CAMTA1: variants seen among roughly 807,000 people sequenced by gnomAD.
CAMTA1 encodes the protein calmodulin binding transcription activator 1.
In CAMTA1, 27 loss-of-function variants were observed where a neutral mutation model predicts 170.9. The observed-to-expected ratio is 0.16, with a 90% CI of 0.12 to 0.22. CAMTA1 has a LOEUF of 0.22. CAMTA1 is among the 10% of genes least tolerant of loss of function. The pLI, the probability that CAMTA1 is intolerant of heterozygous loss-of-function variation, is 1.00. For missense variants in CAMTA1, 1,619 were observed against 2,217.2 expected, an observed-to-expected ratio of 0.73 and a Z score of 5.42; for synonymous variants, 833 against 891.5, an observed-to-expected ratio of 0.93 and a Z score of 1.17.
chr1:7,315,222 GGA>G (rs1677311979), intron 5 of CAMTA1, among the ~76,000 whole-genome samples: 1 of 152,342 alleles, frequency 6.6e-6, no homozygotes, highest in African/African-American at 2.4e-5. Flanking sequence ...TTGTGCAGCT[GGA>G]GAGAGGGTTG....
At chr1:7,142,594 A>G (rs1645951625) in intron 4 of CAMTA1, among the ~76,000 whole-genome samples, 1 of 152,152 alleles carries the variant, frequency 6.6e-6, no homozygotes. Flanking sequence ...CCTTGCGGTA[A>G]TGAGTGAGTT....
At chr1:7,420,635 T>G (rs1363691531) in intron 5 of CAMTA1, among the ~76,000 whole-genome samples, 1 of 151,976 alleles carries the variant, frequency 6.6e-6, no homozygotes, top group Non-Finnish European at 1.5e-5. Flanking sequence ...TGTCAATAAG[T>G]TTCTGTTCTA....
rs1395436193 is a variant in CAMTA1 at position 7,588,503 on chromosome 1, G to A, written c.511-51897G>A. Among the ~76,000 whole-genome samples, 1 of 152,236 alleles carries A rather than the reference G, an allele frequency of 6.6e-6. No individual in the cohort carries two copies. The highest frequency in any genetic ancestry group is 2.4e-5 in the African/African-American group (1 of 41,466). On this transcript the variant is annotated intron_variant, in intron 6 of 22. Transcript: ENST00000303635. This position sits in a 1 kb window ranked among gnomAD's most constrained non-coding sequence, Gnocchi z 5.8. ...CCATCACCACCTCCATTTGACAGCTGAGCTGAAGAGCTTGGTGTGCCCAAG... is the reference window on the plus strand; with the variant it reads ...CCATCACCACCTCCATTTGACAGCTAAGCTGAAGAGCTTGGTGTGCCCAAG...
chr1:7,719,098 A>G lies in CAMTA1; in HGVS notation c.2915-13350A>G, dbSNP rs543093719. Among the ~76,000 whole-genome samples the G allele has an allele frequency of 1.3e-4, 20 of 152,218 alleles. 1 individual carries two copies. In the South Asian group the frequency reaches 3.1e-3, roughly 24 times the overall value. Reference sequence around the variant, plus strand: ...CTTTAAAGGTGGGTGCAGAATCTGTATGGGAGTTCCAAATCTCTTTTGTGC... The same window carrying G: ...CTTTAAAGGTGGGTGCAGAATCTGTGTGGGAGTTCCAAATCTCTTTTGTGC... On this transcript the variant is annotated intron_variant, in intron 11 of 22. Coordinates refer to ENST00000303635, the MANE Select transcript of CAMTA1 (RefSeq NM_015215.4).
intron 4 of CAMTA1, among the ~76,000 whole-genome samples, chr1:7,103,625 A>ACAAC (rs1424523213): frequency 6.6e-6 from 1 of 150,760 alleles, no homozygotes; most frequent in Non-Finnish European, 1.5e-5. Context: ...ACACGCACAC[A>ACAAC]CAACTACACA....
chr1:7,575,281 C>A (rs1230596901), intron 6 of CAMTA1, among the ~76,000 whole-genome samples: 2 of 152,144 alleles, frequency 1.3e-5, no homozygotes, highest in Non-Finnish European at 2.9e-5. Context: ...GCACTGAATT[C>A]CTCTACCCCA....
chr1:7,593,096 T>C (rs183339192), intron 6 of CAMTA1, among the ~76,000 whole-genome samples: 65 of 152,296 alleles, frequency 4.3e-4, no homozygotes, highest in South Asian at 1.0e-3. Context: ...CACTCCACTC[T>C]GGGGCAGTGA....
At chr1:7,451,869 G>A (rs1014045525) in intron 5 of CAMTA1, among the ~76,000 whole-genome samples, 2 of 152,186 alleles carry the variant, frequency 1.3e-5, no homozygotes, top group Non-Finnish European at 2.9e-5. Context: ...CTGCTGGGCC[G>A]CGTGTGCAGA....
At chr1:7,003,123 TG>T (rs1698483576) in intron 3 of CAMTA1, among the ~76,000 whole-genome samples, 1 of 152,240 alleles carries the variant, frequency 6.6e-6, no homozygotes, top group African/African-American at 2.4e-5. Flanking sequence ...GCGCACCAGA[TG>T]CCAGGAGCAC....
chr1:7,030,959 C>T (rs575951339), intron 3 of CAMTA1, among the ~76,000 whole-genome samples: 30 of 150,974 alleles, frequency 2.0e-4, no homozygotes, highest in Middle Eastern at 3.4e-3. Context: ...CTCAGCCTCC[C>T]GAGTAGCTGG....
intron 6 of CAMTA1, among the ~76,000 whole-genome samples, chr1:7,545,994 C>T (rs1389821682): frequency 4.1e-5 from 6 of 146,350 alleles, no homozygotes; most frequent in East Asian, 2.0e-4. Context: ...CTCGCTCTGT[C>T]GCCCAGGCTG....
At chr1:6,905,473 G>T (rs956063099) in intron 3 of CAMTA1, among the ~76,000 whole-genome samples, 5 of 152,054 alleles carry the variant, frequency 3.3e-5, no homozygotes, top group Admixed American at 2.0e-4. Context: ...GGGATTACAG[G>T]CGCGAGCCAC....
intron 3 of CAMTA1, among the ~76,000 whole-genome samples, chr1:6,913,895 G>A (rs1436144377): frequency 2.6e-5 from 4 of 152,080 alleles, no homozygotes; most frequent in East Asian, 3.9e-4. Flanking sequence ...GGAGGCAAAT[G>A]AGTAGTATTT....
chr1:7,644,785 T>C (rs926724292), intron 7 of CAMTA1, among the ~76,000 whole-genome samples: 3 of 151,282 alleles, frequency 2.0e-5, no homozygotes, highest in Non-Finnish European at 2.9e-5. Flanking sequence ...GAAGTGTCGT[T>C]TTTTGCTTTG....
chr1:6,828,286 CTTTTTTTT>C (rs746522147), intron 3 of CAMTA1, among the ~76,000 whole-genome samples: 2 of 69,714 alleles, frequency 2.9e-5, no homozygotes, highest in Non-Finnish European at 5.0e-5. Context: ...TCATTCCATC[CTTTTTTTT>C]TTTTTTTTTT....
intron 3 of CAMTA1, among the ~76,000 whole-genome samples, chr1:6,926,842 G>A (rs12128360): frequency 0.036 from 5,386 of 150,534 alleles, 141 homozygotes; most frequent in Non-Finnish European, 0.054. Context: ...ATGATCCTCC[G>A]ACCTCAACCT....
At chr1:7,573,738 C>T (rs4317829) in intron 6 of CAMTA1, among the ~76,000 whole-genome samples, 97,945 of 152,066 alleles carry the variant, frequency 0.64, 33,777 homozygotes, top group African/African-American at 0.9. Context: ...ACCACTCTAC[C>T]GCAGCATGAC....
At chr1:7,699,492 A>G (rs757434874) in intron 11 of CAMTA1, among the ~76,000 whole-genome samples, 12 of 152,212 alleles carry the variant, frequency 7.9e-5, no homozygotes, top group Non-Finnish European at 1.5e-4. Context: ...GTAAATGTCC[A>G]TATGTATGGA....
At chr1:7,407,361 A>G (rs2090373957) in intron 5 of CAMTA1, among the ~76,000 whole-genome samples, 1 of 152,182 alleles carries the variant, frequency 6.6e-6, no homozygotes, top group Non-Finnish European at 1.5e-5. Context: ...TTGGGGGACC[A>G]CAGACAGGCA....
Sources: gnomAD v4.1 joint callset for allele counts (sites outside exome capture counted in the v4.1 genomes callset) on GRCh38, gnomAD v4.1.1 for gene constraint, Gnocchi (gnomAD v3.1) non-coding constraint, MANE v1.5 for transcripts, NCBI Gene and HGNC (gene_info 2026-07-23, HGNC 2026-07-21) for gene names.